Variants in CRY2 observed in about 807,000 individuals in gnomAD.
The protein encoded by CRY2 is cryptochrome-2.
Under a neutral mutation model 69.5 loss-of-function variants are expected in CRY2, and 31 were observed. The observed-to-expected ratio is 0.45, with a 90% confidence interval of 0.34 to 0.60. The LOEUF is 0.60. Ranked by LOEUF, CRY2 falls within the 20% of genes least tolerant of loss-of-function variation. The pLI is 0.02. For missense variants in CRY2, 606 were observed against 797.8 expected, an observed-to-expected ratio of 0.76 and a Z score of 2.90; for synonymous variants, 303 against 312.2, an observed-to-expected ratio of 0.97 and a Z score of 0.31.
Position 45,858,665 on chromosome 11 carries a change from C to A in CRY2, c.325-66C>A, listed in dbSNP as rs1383070573. 2.6e-6 allele frequency: 4 copies of A among 1,531,722 alleles called. No individual in the cohort carries two copies. The Admixed American group carries it at 7.8e-5, about 30-fold the overall frequency. 94.9% of individuals were successfully genotyped at this position (1,531,722 alleles called of 1,614,324 possible). A position where few individuals can be genotyped will look rare whatever the true frequency, so the allele number is the denominator to read the frequency against. ...AGCTCTGTTCTCTCCCAGGAAGGAA[C>A]TGAGAGTCCAGCTTCCCCCTCCTCC... On this transcript the variant is annotated intron_variant, in intron 2 of 11. Transcript: ENST00000616080.
intron 2 of CRY2, chr11:45,858,476 T>C (rs2086260605): frequency 9.1e-6 from 4 of 439,684 alleles, no homozygotes; most frequent in Non-Finnish European, 1.2e-5. Flanking sequence ...ACACAGCAAG[T>C]GCACAAGGCT....
chr11:45,869,626 A>G lies in CRY2; in HGVS notation c.1003A>G (p.Ile335Val), dbSNP rs1488511291. Reference sequence around the variant, plus strand: ...CCGCATGGAGGGGAACCCCATCTGCATCCAGATCCCCTGGGACCGCAATCC... The same window carrying G: ...CCGCATGGAGGGGAACCCCATCTGCGTCCAGATCCCCTGGGACCGCAATCC... ...FDRMEGNPIC[I>V]QIPWDRNPEA... is the part of the protein sequence containing the mutation. Residue 335 changes from isoleucine to valine, a missense_variant, in exon 7 of 12, where the codon ATC becomes GTC. Ile to Val is a conservative substitution (Grantham distance 29). This residue lies in a region of CRY2 where 382 missense variants were observed against 508.9 expected (regional missense o/e 0.75). Transcript: ENST00000616080. 1.9e-6 allele frequency: 3 copies of G among 1,614,148 alleles called. No individual in the cohort carries two copies. The highest frequency in any genetic ancestry group is 2.7e-5 in the African/African-American group (2 of 74,944).
chr11:45,867,375 TAAC>T, intron 5 of CRY2: 1 of 520,264 alleles, frequency 1.9e-6, no homozygotes, highest in East Asian at 2.9e-5. Flanking sequence ...CTGAGGGAAG[TAAC>T]AACGTGTTCA....
chr11:45,865,864 C>T (rs78830480), intron 5 of CRY2, among the ~76,000 whole-genome samples: 21 of 152,292 alleles, frequency 1.4e-4, no homozygotes, highest in Non-Finnish European at 2.4e-4. Context: ...TACATTATCC[C>T]GAGCAACAGG....
intron 5 of CRY2, among the ~76,000 whole-genome samples, chr11:45,864,867 CA>C (rs940282941): frequency 5.5e-5 from 8 of 145,650 alleles, no homozygotes; most frequent in African/African-American, 1.0e-4. Flanking sequence ...GACTCTGTCT[CA>C]AAAAAAAAAG....
intron 11 of CRY2, among the ~76,000 whole-genome samples, chr11:45,872,559 A>AACAT (rs1296694918): frequency 6.6e-6 from 1 of 152,058 alleles, no homozygotes; most frequent in African/African-American, 2.4e-5. Flanking sequence ...TGGCCAAACC[A>AACAT]ACATAGTGAG....
upstream of CRY2, chr11:45,847,255 A>G (rs1246971571): frequency 1.4e-5 from 22 of 1,551,562 alleles, no homozygotes; most frequent in African/African-American, 4.1e-5. Context: ...TCCGCATGCC[A>G]GCTCCACCCG....
At chr11:45,873,208 C>A (rs2086400398) in intron 11 of CRY2, among the ~76,000 whole-genome samples, 1 of 152,186 alleles carries the variant, frequency 6.6e-6, no homozygotes, top group African/African-American at 2.4e-5. Flanking sequence ...CCTTATGCAC[C>A]ATGTCTTCGT....
intron 5 of CRY2, 22 bp from the exon 6 acceptor site, chr11:45,867,590 C>T: frequency 6.2e-7 from 1 of 1,613,876 alleles, no homozygotes; most frequent in Admixed American, 1.7e-5. Flanking sequence ...TTTCCTTTTG[C>T]CACCTTCTCT....
chr11:45,847,466 G>A (rs758262655), upstream of CRY2: 16 of 1,597,452 alleles, frequency 1.0e-5, no homozygotes, highest in East Asian at 2.2e-5. Context: ...GCGGAGCGGG[G>A]GTGGCTGGAG....
chr11:45,865,132 A>G (rs2086319893), intron 5 of CRY2, among the ~76,000 whole-genome samples: 1 of 152,216 alleles, frequency 6.6e-6, no homozygotes, highest in Non-Finnish European at 1.5e-5. Context: ...AAAAAAAAAA[A>G]AGCTACTTAA....
chr11:45,872,141 A>T lies in CRY2; in HGVS notation c.1692A>T (p.Glu564Asp). The change falls in exon 11 of 12, where the codon GAA becomes GAT. Residue 564 changes from glutamate to aspartate, a missense_variant. By Grantham distance (45) the Glu-to-Asp change is conservative. Around this residue, in one of 5 missense-constraint regions of CRY2, gnomAD observed 173 missense variants for 213.7 expected, o/e 0.81. Transcript: ENST00000616080. ...CAGCATCCCCCAAACGCAAGCTGGAAGCAGCCGAGGAACCACCTGGTGAAG... is the reference window on the plus strand; with the variant it reads ...CAGCATCCCCCAAACGCAAGCTGGATGCAGCCGAGGAACCACCTGGTGAAG... ...SGPASPKRKL[E>D]AAEEPPGEEL... The T allele has an allele frequency of 6.2e-7, 1 of 1,614,174 alleles. No individual in the cohort carries two copies. Among genetic ancestry groups the T allele is most frequent in the Non-Finnish European group, 8.5e-7 (1 of 1,180,012 alleles).
At chr11:45,857,365 G>A (rs990180684) in intron 2 of CRY2, among the ~76,000 whole-genome samples, 2 of 152,162 alleles carry the variant, frequency 1.3e-5, no homozygotes, top group African/African-American at 4.8e-5. Flanking sequence ...TGACTCTAGA[G>A]CTGTATCCTT....
chr11:45,865,514 C>T (rs1471449501), intron 5 of CRY2, among the ~76,000 whole-genome samples: 1 of 152,204 alleles, frequency 6.6e-6, no homozygotes, highest in African/African-American at 2.4e-5. Flanking sequence ...AGTGCTTAAC[C>T]TGATACCACA....
chr11:45,866,903 C>T (rs980726240), intron 5 of CRY2, among the ~76,000 whole-genome samples: 3 of 151,824 alleles, frequency 2.0e-5, no homozygotes, highest in East Asian at 1.9e-4. Flanking sequence ...TGCGGTGAGC[C>T]GAGATCACGC....
chr11:45,861,072 G>A, intron 4 of CRY2, 40 bp downstream of exon 4: 1 of 1,561,684 alleles, frequency 6.4e-7, no homozygotes, highest in Non-Finnish European at 8.7e-7. Flanking sequence ...GCTGGTGCCT[G>A]CTTTTGTGTA....
At chr11:45,848,558 C>T (rs2086170381) in intron 1 of CRY2, among the ~76,000 whole-genome samples, 1 of 152,152 alleles carries the variant, frequency 6.6e-6, no homozygotes, top group Admixed American at 6.5e-5. Flanking sequence ...CCTCTGATGA[C>T]CCCCCAGGAG....
At chr11:45,869,225 G>A (rs1464133276) in intron 6 of CRY2, among the ~76,000 whole-genome samples, 1 of 152,242 alleles carries the variant, frequency 6.6e-6, no homozygotes, top group Non-Finnish European at 1.5e-5. Context: ...CCAGTCTTGG[G>A]AAGTTTGAAT....
At position 45,869,574 on chromosome 11, in the gene CRY2, G is replaced by A. The variant is rs372182284; in HGVS notation, c.951G>A (p.Thr317=). ...GQLLWREFFY[T]AATNNPRFDR... The stretch of plus-strand genomic sequence containing the variant: ...TCCTATGGCGAGAGTTCTTCTACAC[G>A]GCAGCTACCAACAACCCCAGGTTTG... The change falls in exon 7 of 12, where the codon ACG becomes ACA. Residue 317 remains threonine, a synonymous_variant. Transcript: ENST00000616080. The A allele has an allele frequency of 2.9e-5, 47 of 1,614,100 alleles. No homozygotes were observed. The highest frequency in any genetic ancestry group is 3.8e-5 in the Non-Finnish European group (45 of 1,180,044).
Sources: allele counts gnomAD v4.1 joint callset (sites outside exome capture counted in the v4.1 genomes callset), GRCh38; gene constraint gnomAD v4.1.1; regional missense constraint gnomAD v4.1.1; transcripts MANE v1.5; gene names NCBI Gene and HGNC (gene_info 2026-07-23, HGNC 2026-07-21).